Variants in IQGAP1 observed in about 807,000 individuals in gnomAD.
The protein encoded by IQGAP1 is ras GTPase-activating-like protein IQGAP1.
IQGAP1 carries 66 observed loss-of-function variants against 215.6 expected under a neutral mutation model. The observed-to-expected ratio is 0.31, with a 90% CI of 0.25 to 0.38. The LOEUF is 0.38. IQGAP1 is among the 10% of genes least tolerant of loss of function. The pLI is 1.00. For missense variants in IQGAP1, 1,712 were observed against 1,997.1 expected, an observed-to-expected ratio of 0.86 and a Z score of 2.72; for synonymous variants, 772 against 728.7, an observed-to-expected ratio of 1.06 and a Z score of -0.96.
chr15:90,416,461 A>T (rs530039888), intron 2 of IQGAP1, among the ~76,000 whole-genome samples: 2 of 152,240 alleles, frequency 1.3e-5, no homozygotes, highest in African/African-American at 2.4e-5. Flanking sequence ...CTAGTTCTAG[A>T]TCCTTGAGGA....
chr15:90,432,594 C>T (rs1488308844), intron 4 of IQGAP1, among the ~76,000 whole-genome samples: 3 of 152,122 alleles, frequency 2.0e-5, no homozygotes, highest in South Asian at 4.1e-4. Context: ...TTTTCTAGAA[C>T]GTATTCTGTA....
intron 2 of IQGAP1, among the ~76,000 whole-genome samples, chr15:90,395,431 C>T (rs1467036348): frequency 6.6e-6 from 1 of 152,138 alleles, no homozygotes; most frequent in East Asian, 1.9e-4. Context: ...CGCCATTCTC[C>T]TGGCTCAGCC....
At chr15:90,482,607 G>T (rs930495691) in intron 28 of IQGAP1, 12 of 481,630 alleles carry the variant, frequency 2.5e-5, no homozygotes, top group African/African-American at 2.3e-4. Context: ...AGTTGTTTCT[G>T]CTAAGGCTGT....
chr15:90,429,763 G>T, intron 4 of IQGAP1, 97 bp downstream of exon 4: 2 of 676,944 alleles, frequency 3.0e-6, no homozygotes, highest in South Asian at 2.4e-5. Flanking sequence ...ATTATTCTCA[G>T]AATCTTTGGT....
intron 1 of IQGAP1, 45 bp from the exon 2 acceptor site, chr15:90,390,729 A>T (rs1398635730): frequency 3.1e-6 from 4 of 1,294,374 alleles, no homozygotes; most frequent in Non-Finnish European, 4.5e-6. Context: ...ATCACTCAGG[A>T]AGGCTACAGA....
At chr15:90,437,371 T>C (rs556423312) in intron 5 of IQGAP1, among the ~76,000 whole-genome samples, 3 of 152,290 alleles carry the variant, frequency 2.0e-5, no homozygotes, top group Non-Finnish European at 4.4e-5. Flanking sequence ...TCTTGAACTT[T>C]CTTAAAATTT....
At chr15:90,451,389 A>G (rs1487789959) in intron 11 of IQGAP1, among the ~76,000 whole-genome samples, 1 of 152,210 alleles carries the variant, frequency 6.6e-6, no homozygotes, top group Non-Finnish European at 1.5e-5. Flanking sequence ...TCAAAGGGCA[A>G]GTGGGCTCAT....
intron 19 of IQGAP1, among the ~76,000 whole-genome samples, chr15:90,473,230 CTCT>C (rs1194697717): frequency 2.0e-5 from 3 of 152,198 alleles, no homozygotes; most frequent in Non-Finnish European, 4.4e-5. Context: ...ACCTCTTCCT[CTCT>C]TCTTCTAAGA....
intron 26 of IQGAP1, 113 bp downstream of exon 26, chr15:90,478,002 C>G (rs919325721): frequency 6.7e-6 from 5 of 740,778 alleles, no homozygotes; most frequent in Non-Finnish European, 1.1e-5. Context: ...CTTTTCTTTT[C>G]TTTTTTTAGA....
intron 31 of IQGAP1, 97 bp from the exon 32 acceptor site, chr15:90,486,857 A>G (rs1183121962): frequency 2.4e-6 from 3 of 1,226,796 alleles, no homozygotes; most frequent in South Asian, 2.8e-5. Flanking sequence ...TGATTCAAGT[A>G]TTATCTTAGA....
At chr15:90,461,994 A>AAAG (rs1567134140) in intron 15 of IQGAP1, among the ~76,000 whole-genome samples, 1,815 of 12,208 alleles carry the variant, frequency 0.15, 41 homozygotes, top group African/African-American at 0.42. Flanking sequence ...AAAAAAAAAA[A>AAAG]AAAAAGAAAA....
intron 6 of IQGAP1, among the ~76,000 whole-genome samples, chr15:90,440,269 C>T (rs909882437): frequency 1.3e-5 from 2 of 152,200 alleles, no homozygotes; most frequent in African/African-American, 4.8e-5. Context: ...TCCTGTAGGA[C>T]CTTCTCACTT....
At chr15:90,482,170 TCTCA>T in intron 27 of IQGAP1, 23 bp from the exon 28 acceptor site, 1 of 1,614,134 alleles carries the variant, frequency 6.2e-7, no homozygotes, top group Middle Eastern at 1.6e-4. Context: ...CCTTGGCCCT[TCTCA>T]CTAAGTTTTG....
chr15:90,490,773 C>G (rs917206852), intron 33 of IQGAP1, among the ~76,000 whole-genome samples: 2 of 152,052 alleles, frequency 1.3e-5, no homozygotes, highest in Non-Finnish European at 2.9e-5. Flanking sequence ...GAAAGAAGCC[C>G]TAAGCACCTA....
chr15:90,494,305 T>TTTAC (rs1966244496), intron 35 of IQGAP1: 1 of 152,104 alleles, frequency 6.6e-6, no homozygotes, highest in Admixed American at 6.6e-5. Flanking sequence ...TTAAAAAGTA[T>TTTAC]TTGATGACAT....
At position 90,467,609 on chromosome 15, in the gene IQGAP1, C is replaced by A; in HGVS notation, c.2178+17C>A. 6.3e-7 allele frequency: 1 copy of A among 1,597,852 alleles called. No individual in the cohort carries two copies. The highest frequency in any genetic ancestry group is 2.3e-5 in the East Asian group (1 of 44,388). Reference sequence around the variant, plus strand: ...GAGATCCAGGTAGGTTACCTTTCTTCACGTAAGAAGAAGCTGAGAGAAAGT... The same window carrying A: ...GAGATCCAGGTAGGTTACCTTTCTTAACGTAAGAAGAAGCTGAGAGAAAGT... On this transcript the variant is annotated intron_variant, in intron 18 of 37. Coordinates refer to ENST00000268182, the MANE Select transcript of IQGAP1 (RefSeq NM_003870.4).
At chr15:90,472,719 T>G in intron 18 of IQGAP1, 121 bp from the exon 19 acceptor site, 2 of 851,196 alleles carry the variant, frequency 2.3e-6, no homozygotes, top group Non-Finnish European at 3.6e-6. Context: ...ATGTAGCTAA[T>G]GATCTAGTAT....
chr15:90,410,852 A>G (rs1180182001), intron 2 of IQGAP1, among the ~76,000 whole-genome samples: 1 of 151,902 alleles, frequency 6.6e-6, no homozygotes, highest in Non-Finnish European at 1.5e-5. Flanking sequence ...ATAAAAAAAA[A>G]AAAAAAGAAA....
At chr15:90,464,712 C>T (rs1965806862) in intron 15 of IQGAP1, among the ~76,000 whole-genome samples, 1 of 151,842 alleles carries the variant, frequency 6.6e-6, no homozygotes, top group African/African-American at 2.4e-5. Flanking sequence ...ATTAGCTGGG[C>T]GTGGTGGCGG....
Sources: gnomAD v4.1 joint callset for allele counts (sites outside exome capture counted in the v4.1 genomes callset) on GRCh38, gnomAD v4.1.1 for gene constraint, MANE v1.5 for transcripts, NCBI Gene and HGNC (gene_info 2026-07-23, HGNC 2026-07-21) for gene names.